MILR1: variants seen among roughly 807,000 people sequenced by gnomAD.
MILR1 encodes mast cell immunoglobulin like receptor 1.
MILR1 carries 31 observed loss-of-function variants against 18.5 expected under a neutral mutation model. That is an observed-to-expected ratio of 1.68 (90% CI 1.26 to 2.26). The LOEUF is 2.26. Among genes scored for constraint, MILR1 ranks in the 30% most tolerant of loss-of-function variants. The pLI is 0.00. For missense variants in MILR1, 257 were observed against 157.4 expected, an observed-to-expected ratio of 1.63 and a Z score of -3.38; for synonymous variants, 85 against 56.2, an observed-to-expected ratio of 1.51 and a Z score of -2.30.
intron 3 of MILR1, among the ~76,000 whole-genome samples, chr17:64,455,651 G>A (rs1437131439): frequency 2.0e-5 from 3 of 148,400 alleles, no homozygotes; most frequent in East Asian, 2.0e-4. Context: ...TAGTAGAGAC[G>A]GGGTTTCACC....
At chr17:64,488,836 C>T in the MILR1 span, among the ~76,000 whole-genome samples, 18 of 152,112 alleles carry the variant, frequency 1.2e-4, no homozygotes, top group African/African-American at 3.4e-4. Context: ...GGCGTGGTGG[C>T]GCACACCTAT....
downstream of MILR1, among the ~76,000 whole-genome samples, chr17:64,473,377 T>C (rs1270809640): frequency 6.6e-6 from 1 of 151,394 alleles, no homozygotes; most frequent in African/African-American, 2.4e-5. Context: ...GAAGAAGTTA[T>C]CTTTTCTCAG....
At chr17:64,477,332 C>A in the MILR1 span, among the ~76,000 whole-genome samples, 1 of 152,194 alleles carries the variant, frequency 6.6e-6, no homozygotes, top group Non-Finnish European at 1.5e-5. Flanking sequence ...GTAAAGACAT[C>A]TCCCGACTGG....
At chr17:64,493,099 G>A in the MILR1 span, 10 of 1,431,838 alleles carry the variant, frequency 7.0e-6, no homozygotes, top group South Asian at 1.0e-4. Context: ...CACATTAATA[G>A]TAGTAATAAC....
At chr17:64,497,132 C>T in the MILR1 span, 4 of 725,360 alleles carry the variant, frequency 5.5e-6, no homozygotes, top group Non-Finnish European at 9.6e-6. Flanking sequence ...TGCGTTCCGG[C>T]CGCAGCCGTC....
At chr17:64,492,272 C>CT in the MILR1 span, among the ~76,000 whole-genome samples, 7 of 151,282 alleles carry the variant, frequency 4.6e-5, no homozygotes, top group South Asian at 2.1e-4. Flanking sequence ...TACTTCAACT[C>CT]TTTTTTTTTC....
chr17:64,489,987 C>T, the MILR1 span, among the ~76,000 whole-genome samples: 4 of 151,830 alleles, frequency 2.6e-5, no homozygotes, highest in South Asian at 2.1e-4. Flanking sequence ...TGCAGTGGCA[C>T]GATCTTGGCT....
chr17:64,496,682 T>TTTC, the MILR1 span: 1 of 1,613,910 alleles, frequency 6.2e-7, no homozygotes, highest in Non-Finnish European at 8.5e-7. Context: ...GAAGCCGGGG[T>TTTC]GGCACCCACT....
chr17:64,475,327 T>C, the MILR1 span, among the ~76,000 whole-genome samples: 2 of 151,974 alleles, frequency 1.3e-5, no homozygotes, highest in Non-Finnish European at 2.9e-5. Context: ...AAGCAAATAC[T>C]CGGTGAGAAG....
At chr17:64,450,159 C>T (rs912947428) in intron 2 of MILR1, among the ~76,000 whole-genome samples, 17 of 152,128 alleles carry the variant, frequency 1.1e-4, no homozygotes, top group African/African-American at 3.4e-4. Flanking sequence ...AGGATGGTCT[C>T]GATCTCCTGA....
At chr17:64,481,537 T>C in the MILR1 span, 2 of 384,540 alleles carry the variant, frequency 5.2e-6, no homozygotes, top group Non-Finnish European at 7.1e-6. Flanking sequence ...AAATTATAGA[T>C]CTAGAATATC....
At chr17:64,492,153 T>G in the MILR1 span, among the ~76,000 whole-genome samples, 1 of 152,214 alleles carries the variant, frequency 6.6e-6, no homozygotes, top group African/African-American at 2.4e-5. Flanking sequence ...ATTCTTACCC[T>G]TCTGCGAAGT....
chr17:64,462,309 C>G lies in MILR1; in HGVS notation c.763+1377C>G, dbSNP rs975417202. Among the ~76,000 whole-genome samples the G allele has an allele frequency of 2.6e-5, 4 of 152,212 alleles. No individual in the cohort carries two copies. In the East Asian group the frequency reaches 7.7e-4, roughly 29 times the overall value. On this transcript the variant is annotated intron_variant, in intron 5 of 9. Transcript: ENST00000619286. ...CCTCCCACAGTGTTGGGATTATAGGCGTGAGCCACTGTGCCGGGCCAAGAA... is the reference window on the plus strand; with the variant it reads ...CCTCCCACAGTGTTGGGATTATAGGGGTGAGCCACTGTGCCGGGCCAAGAA...
intron 3 of MILR1, among the ~76,000 whole-genome samples, chr17:64,453,762 G>C (rs2037228700): frequency 6.6e-6 from 1 of 151,984 alleles, no homozygotes. Flanking sequence ...CTTGATAATG[G>C]ACTCCTGTGG....
chr17:64,457,966 C>T (rs2037337708), intron 4 of MILR1, among the ~76,000 whole-genome samples: 1 of 152,126 alleles, frequency 6.6e-6, no homozygotes, highest in Non-Finnish European at 1.5e-5. Flanking sequence ...CATAAAGGAA[C>T]CACAGAAAGG....
chr17:64,496,862 C>T, the MILR1 span: 2 of 1,613,862 alleles, frequency 1.2e-6, no homozygotes, highest in South Asian at 1.1e-5. Flanking sequence ...GGGGCTACTC[C>T]TTTCCGTCAA....
chr17:64,460,481 G>A (rs1317314482), intron 4 of MILR1, among the ~76,000 whole-genome samples: 1 of 152,070 alleles, frequency 6.6e-6, no homozygotes, highest in Non-Finnish European at 1.5e-5. Context: ...GGGATCATAG[G>A]CACATGCCAT....
the MILR1 span, chr17:64,477,956 A>G: frequency 6.2e-7 from 1 of 1,613,874 alleles, no homozygotes. Flanking sequence ...TTCAGTAACC[A>G]AAACTGTGAA....
chr17:64,467,022 TTC>T (rs1216977458), intron 8 of MILR1, among the ~76,000 whole-genome samples: 9 of 137,978 alleles, frequency 6.5e-5, no homozygotes, highest in Non-Finnish European at 9.6e-5. Context: ...TTTTCTTTCT[TTC>T]TCTTTCTTTC....
Sources: allele counts gnomAD v4.1 joint callset (sites outside exome capture counted in the v4.1 genomes callset), GRCh38; gene constraint gnomAD v4.1.1; transcripts MANE v1.5; gene names NCBI Gene and HGNC (gene_info 2026-07-23, HGNC 2026-07-21).